The following PAX5 variants were observed in gnomAD, a reference collection of about 807,000 sequenced individuals.
The protein encoded by PAX5 is paired box protein Pax-5.
A neutral mutation model predicts 43.7 loss-of-function variants in PAX5; 9 were observed. The ratio of observed to expected loss-of-function variants is 0.21; its 90% CI spans 0.12 to 0.36. The LOEUF (loss-of-function observed/expected upper bound fraction) is 0.36, where lower values mean the gene tolerates loss of function less well. Ranked by LOEUF, PAX5 falls within the 10% of genes least tolerant of loss-of-function variation. The pLI is 1.00. For missense variants in PAX5, 383 were observed against 532.7 expected (o/e 0.72, Z 2.77); for synonymous variants, 228 against 214.3 (o/e 1.06, Z -0.56).
chr9:37,033,858 C>G (rs910248516), intron 1 of PAX5, 128 bp downstream of exon 1: 1 of 726,662 alleles, frequency 1.4e-6, no homozygotes, highest in Admixed American at 2.3e-5. Flanking sequence ...ATAACAAACA[C>G]GCCGCAGTTA....
intron 7 of PAX5, among the ~76,000 whole-genome samples, chr9:36,910,188 C>T (rs1829151963): frequency 6.6e-6 from 1 of 152,270 alleles, no homozygotes; most frequent in South Asian, 2.1e-4. Flanking sequence ...AAGTGTTCTC[C>T]CCACACCCTC....
chr9:36,975,161 C>A (rs999461177), intron 5 of PAX5, among the ~76,000 whole-genome samples: 1 of 152,184 alleles, frequency 6.6e-6, no homozygotes, highest in African/African-American at 2.4e-5. Context: ...CCTCTTGGAA[C>A]CTCCACTTTA....
chr9:36,860,289 A>G (rs1824087156), intron 8 of PAX5, among the ~76,000 whole-genome samples: 1 of 152,104 alleles, frequency 6.6e-6, no homozygotes, highest in Non-Finnish European at 1.5e-5. Flanking sequence ...GTGAGCCAAG[A>G]TTGCACCACT....
At chr9:36,868,999 C>G (rs1337756544) in intron 8 of PAX5, among the ~76,000 whole-genome samples, 1 of 152,170 alleles carries the variant, frequency 6.6e-6, no homozygotes, top group Non-Finnish European at 1.5e-5. Context: ...TGGTTTGGCC[C>G]CATTTGAGAA....
In PAX5 at chr9:36,833,961, A is replaced by G; in HGVS notation, c.*6599T>C. On this transcript the variant is annotated 3_prime_UTR_variant, in exon 10 of 10. Transcript: ENST00000358127. Reference sequence around the variant, plus strand: ...TGTATTTCTTTGATGCTGAAAGGTCAGTCCCTAAGACAAAATCAAATGTCT... The same window carrying G: ...TGTATTTCTTTGATGCTGAAAGGTCGGTCCCTAAGACAAAATCAAATGTCT... 1 of 233,000 alleles carries G rather than the reference A, an allele frequency of 4.3e-6. No homozygotes were observed. Among genetic ancestry groups the G allele is most frequent in the Non-Finnish European group, 8.5e-6 (1 of 117,950 alleles). 14.4% of individuals were successfully genotyped at this position (233,000 alleles called of 1,614,324 possible).
intron 3 of PAX5, among the ~76,000 whole-genome samples, chr9:37,010,457 C>T (rs902875999): frequency 6.6e-6 from 1 of 152,204 alleles, no homozygotes; most frequent in Non-Finnish European, 1.5e-5. Context: ...CGCGGTCCCT[C>T]TGCTAAATAC....
intron 5 of PAX5, among the ~76,000 whole-genome samples, chr9:36,997,089 A>C (rs1296887703): frequency 6.6e-6 from 1 of 152,158 alleles, no homozygotes; most frequent in African/African-American, 2.4e-5. Context: ...CATCCCCAAA[A>C]AGGAAGTCAT....
chr9:37,004,826 G>C (rs1838247510), intron 4 of PAX5, among the ~76,000 whole-genome samples: 1 of 152,122 alleles, frequency 6.6e-6, no homozygotes, highest in South Asian at 2.1e-4. Flanking sequence ...ATTGCGCTAG[G>C]CTCAAAAGAC....
At chr9:36,980,749 G>A (rs140061310) in intron 5 of PAX5, among the ~76,000 whole-genome samples, 59 of 152,246 alleles carry the variant, frequency 3.9e-4, no homozygotes, top group African/African-American at 1.4e-3. Context: ...TCCAGAGAAG[G>A]GGGCAGGTTC....
At chr9:36,850,488 G>A (rs1321398058) in intron 8 of PAX5, among the ~76,000 whole-genome samples, 1 of 152,226 alleles carries the variant, frequency 6.6e-6, no homozygotes, top group East Asian at 1.9e-4. Context: ...CTCCGGAGGT[G>A]CAGCCAACAG....
chr9:36,886,677 CA>C (rs1485433027), intron 7 of PAX5, among the ~76,000 whole-genome samples: 2 of 151,248 alleles, frequency 1.3e-5, no homozygotes, highest in Non-Finnish European at 3.0e-5. Flanking sequence ...ACATTTCTTT[CA>C]TTTTTTTTTA....
intron 6 of PAX5, among the ~76,000 whole-genome samples, chr9:36,932,866 G>A (rs573297191): frequency 2.6e-5 from 4 of 152,146 alleles, no homozygotes; most frequent in East Asian, 1.9e-4. Flanking sequence ...GAAAGTCTCC[G>A]TAATTATGGC....
intron 7 of PAX5, among the ~76,000 whole-genome samples, chr9:36,901,942 T>C (rs1828431430): frequency 6.6e-6 from 1 of 152,202 alleles, no homozygotes; most frequent in Non-Finnish European, 1.5e-5. Flanking sequence ...TCAGGGCTTG[T>C]CTCACCAAAC....
intron 7 of PAX5, among the ~76,000 whole-genome samples, chr9:36,894,659 G>T (rs10758412): frequency 0.68 from 103,205 of 152,070 alleles, 37,114 homozygotes; most frequent in Non-Finnish European, 0.79. Context: ...CTGTCACATG[G>T]ATTAAATTAA....
intron 4 of PAX5, among the ~76,000 whole-genome samples, chr9:37,005,031 T>C (rs2132415113): frequency 6.6e-6 from 1 of 152,366 alleles, no homozygotes; most frequent in African/African-American, 2.4e-5. Flanking sequence ...GTAGAATTAT[T>C]CTTCTAAACC....
chr9:36,939,765 CAAAA>C (rs1044200133), intron 6 of PAX5, among the ~76,000 whole-genome samples: 1 of 148,598 alleles, frequency 6.7e-6, no homozygotes, highest in Non-Finnish European at 1.5e-5. Flanking sequence ...ACAGCTGTGT[CAAAA>C]AAAAAGAGGG....
At chr9:36,946,285 G>A (rs1832514910) in intron 6 of PAX5, among the ~76,000 whole-genome samples, 1 of 152,228 alleles carries the variant, frequency 6.6e-6, no homozygotes, top group Non-Finnish European at 1.5e-5. Flanking sequence ...GCCAAGCAGC[G>A]CTGCCTCGAG....
At chr9:36,931,623 C>T (rs1046154517) in intron 6 of PAX5, among the ~76,000 whole-genome samples, 3 of 151,808 alleles carry the variant, frequency 2.0e-5, no homozygotes, top group South Asian at 2.1e-4. Flanking sequence ...CTGAGGTGGG[C>T]GGATCACCTG....
intron 1 of PAX5, among the ~76,000 whole-genome samples, chr9:37,027,338 C>T (rs1178275269): frequency 1.3e-5 from 2 of 152,228 alleles, no homozygotes; most frequent in Non-Finnish European, 2.9e-5. Flanking sequence ...CGCTGCTCGC[C>T]CATCGCTGGG....
Sources: allele counts gnomAD v4.1 joint callset (sites outside exome capture counted in the v4.1 genomes callset), GRCh38; gene constraint gnomAD v4.1.1; transcripts MANE v1.5; gene names NCBI Gene and HGNC (gene_info 2026-07-23, HGNC 2026-07-21).